CPED1: variants seen among roughly 807,000 people sequenced by gnomAD.
CPED1 encodes the protein cadherin like and PC-esterase domain containing 1.
In CPED1, 114 loss-of-function variants were observed where a neutral mutation model predicts 128.2. That is an observed-to-expected ratio of 0.89 (90% CI 0.76 to 1.04). The LOEUF is 1.04. CPED1 is among the 50% of genes least tolerant of loss of function. CPED1 has a pLI of 0.00. For missense variants in CPED1, 1,211 were observed against 1,207.1 expected (o/e 1.00, Z -0.05); for synonymous variants, 462 against 426.7 (o/e 1.08, Z -1.02).
At chr7:121,051,006 G>A (rs372618283) in intron 4 of CPED1, 33 of 535,240 alleles carry the variant, frequency 6.2e-5, no homozygotes, top group Non-Finnish European at 1.1e-4. Flanking sequence ...AAGTGGAAGC[G>A]AAGCTGAAAA....
chr7:121,055,429 A>C (rs1793469712), intron 4 of CPED1, among the ~76,000 whole-genome samples: 1 of 151,926 alleles, frequency 6.6e-6, no homozygotes, highest in South Asian at 2.1e-4. Flanking sequence ...ATCTTTCTGT[A>C]AGCATATCAT....
At chr7:120,996,188 G>C (rs1796401623) in intron 2 of CPED1, among the ~76,000 whole-genome samples, 1 of 152,102 alleles carries the variant, frequency 6.6e-6, no homozygotes. Flanking sequence ...AGAGGCCAAG[G>C]TGGGAGGATT....
chr7:121,015,714 T>C lies in CPED1; in HGVS notation c.299T>C (p.Ile100Thr), dbSNP rs924548311. ...THFGSHGRRA[I>T]LYRPPFYSKT... ...TTTGGCAGCCATGGCCGAAGGGCCA[T>C]ACTCTACAGGCCTCCTTTCTACAGC... Residue 100 changes from isoleucine (I) to threonine (T), a missense_variant, in exon 3 of 23, where the codon ATA (isoleucine) becomes ACA (threonine). Ile to Thr is a moderately conservative substitution (Grantham distance 89). Coordinates refer to ENST00000310396, the MANE Select transcript of CPED1 (RefSeq NM_024913.5). 11 of 1,609,560 alleles carry C rather than the reference T, an allele frequency of 6.8e-6. No homozygotes were observed. The highest frequency in any genetic ancestry group is 9.3e-6 in the Non-Finnish European group (11 of 1,178,670).
chr7:121,165,599 A>C (rs1280066338), intron 16 of CPED1, among the ~76,000 whole-genome samples: 1 of 152,108 alleles, frequency 6.6e-6, no homozygotes, highest in Non-Finnish European at 1.5e-5. Context: ...CTATACTTTA[A>C]TTTCCTTTCC....
At chr7:121,015,392 G>A (rs140693131) in intron 2 of CPED1, among the ~76,000 whole-genome samples, 307 of 152,330 alleles carry the variant, frequency 2.0e-3, no homozygotes, top group African/African-American at 7.1e-3. Context: ...GTTGAGCTCT[G>A]TATTTCTATG....
chr7:121,277,728 G>A (rs942167855), intron 22 of CPED1, among the ~76,000 whole-genome samples: 7 of 152,158 alleles, frequency 4.6e-5, no homozygotes, highest in African/African-American at 4.8e-5. Flanking sequence ...GTGAGGTCAT[G>A]CAGGTTACGT....
intron 16 of CPED1, among the ~76,000 whole-genome samples, chr7:121,178,915 A>C (rs1051885971): frequency 2.6e-5 from 4 of 152,076 alleles, no homozygotes; most frequent in African/African-American, 9.7e-5. Context: ...TAACTTTGTG[A>C]AGCCAGGTGA....
chr7:121,007,938 A>G (rs929445260), intron 2 of CPED1, among the ~76,000 whole-genome samples: 1 of 151,312 alleles, frequency 6.6e-6, no homozygotes, highest in African/African-American at 2.4e-5. Context: ...CATCCCTCTT[A>G]TGGTTTAGTG....
At position 121,077,570 on chromosome 7, in the gene CPED1, G is replaced by A. The variant is rs192784458; in HGVS notation, c.616+13257G>A. On this transcript the variant is annotated intron_variant, in intron 5 of 22. Coordinates refer to ENST00000310396, the MANE Select transcript of CPED1 (RefSeq NM_024913.5). ...TGGGAAACTGAAGACATAAATAATG[G>A]ATATCTACATTTAATGTTACAAAAA... Among the ~76,000 whole-genome samples the A allele has an allele frequency of 3.8e-3, 572 of 151,732 alleles. 7 individuals carry two copies. Among genetic ancestry groups the A allele is most frequent in the Middle Eastern group, 6.9e-3 (2 of 290 alleles).
chr7:121,192,462 T>C (rs1797164089), intron 16 of CPED1, among the ~76,000 whole-genome samples: 1 of 152,096 alleles, frequency 6.6e-6, no homozygotes, highest in South Asian at 2.1e-4. Context: ...ATACAACCTA[T>C]AGGATGGATG....
At chr7:121,194,657 G>C (rs914737295) in intron 16 of CPED1, among the ~76,000 whole-genome samples, 1 of 152,134 alleles carries the variant, frequency 6.6e-6, no homozygotes, top group African/African-American at 2.4e-5. Flanking sequence ...ATTCAAATGT[G>C]TGTATTGGGA....
intron 4 of CPED1, among the ~76,000 whole-genome samples, chr7:121,063,624 A>G (rs1039688515): frequency 6.6e-6 from 1 of 152,176 alleles, no homozygotes; most frequent in Non-Finnish European, 1.5e-5. Context: ...GGTTTTAACA[A>G]GGTTTTCTCA....
At chr7:121,137,816 G>C (rs571944533) in intron 14 of CPED1, among the ~76,000 whole-genome samples, 7 of 152,072 alleles carry the variant, frequency 4.6e-5, no homozygotes, top group Non-Finnish European at 1.0e-4. Context: ...GAGAAAACTA[G>C]GAGCAAAATT....
At chr7:121,112,314 C>T (rs553372739) in intron 7 of CPED1, among the ~76,000 whole-genome samples, 1 of 152,164 alleles carries the variant, frequency 6.6e-6, no homozygotes, top group East Asian at 1.9e-4. Context: ...TGAGATCTTC[C>T]TAAATTATCC....
At chr7:121,171,135 T>A (rs1796642049) in intron 16 of CPED1, among the ~76,000 whole-genome samples, 1 of 151,876 alleles carries the variant, frequency 6.6e-6, no homozygotes, top group African/African-American at 2.4e-5. Context: ...ACCAAGGAGG[T>A]TTTCTGTCAT....
intron 3 of CPED1, among the ~76,000 whole-genome samples, chr7:121,018,497 C>T (rs1381677986): frequency 6.6e-6 from 1 of 152,102 alleles, no homozygotes; most frequent in Non-Finnish European, 1.5e-5. Flanking sequence ...TTTACCACAG[C>T]ATTTTCTGCT....
chr7:121,010,209 G>T (rs1792124355), intron 2 of CPED1, among the ~76,000 whole-genome samples: 2 of 151,988 alleles, frequency 1.3e-5, no homozygotes, highest in Non-Finnish European at 2.9e-5. Context: ...CTGTTTAAGT[G>T]GGTGCTATTT....
In CPED1 at chr7:121,295,885, A is replaced by G. The variant is rs765662474; in HGVS notation, c.*233A>G. On this transcript the variant is annotated 3_prime_UTR_variant, in exon 23 of 23. Coordinates refer to ENST00000310396, the MANE Select transcript of CPED1 (RefSeq NM_024913.5). ...ACCAGTCCATTTCACAGTGAAAGATATACCTAGAGAAACGTTACTTGAAGC... is the reference window on the plus strand; with the variant it reads ...ACCAGTCCATTTCACAGTGAAAGATGTACCTAGAGAAACGTTACTTGAAGC... 49 of 408,442 alleles carry G rather than the reference A, an allele frequency of 1.2e-4. No homozygotes were observed. The highest frequency in any genetic ancestry group is 6.5e-4 in the Middle Eastern group (1 of 1,542). 25.3% of individuals were successfully genotyped at this position (408,442 alleles called of 1,614,324 possible). A position where few individuals can be genotyped will look rare whatever the true frequency, so the allele number is the denominator to read the frequency against.
At chr7:121,097,387 T>C (rs28584319) in intron 5 of CPED1, among the ~76,000 whole-genome samples, 2,775 of 152,234 alleles carry the variant, frequency 0.018, 84 homozygotes, top group African/African-American at 0.063. Flanking sequence ...ATGCATCCCT[T>C]AGCTTTGTAG....
Sources: allele counts gnomAD v4.1 joint callset (sites outside exome capture counted in the v4.1 genomes callset), GRCh38; gene constraint gnomAD v4.1.1; transcripts MANE v1.5; gene names NCBI Gene and HGNC (gene_info 2026-07-23, HGNC 2026-07-21).